The following CLEC1A variants were observed in gnomAD, a reference collection of about 807,000 sequenced individuals.
The protein encoded by CLEC1A is C-type lectin-like receptor-1.
A neutral mutation model predicts 28.7 loss-of-function variants in CLEC1A; 34 were observed. The ratio of observed to expected loss-of-function variants is 1.18; its 90% confidence interval spans 0.90 to 1.57. The LOEUF is 1.57. Among genes scored for constraint, CLEC1A ranks in the 40% most tolerant of loss-of-function variants. CLEC1A has a pLI of 0.00. For synonymous variants in CLEC1A, 116 were observed against 121.0 expected (o/e 0.96, Z 0.27); for missense variants, 385 against 339.5 (o/e 1.13, Z -1.05).
At chr12:10,094,311 C>T (rs959296905) in intron 1 of CLEC1A, among the ~76,000 whole-genome samples, 2 of 152,002 alleles carry the variant, frequency 1.3e-5, no homozygotes, top group African/African-American at 4.8e-5. Context: ...TCTCATTTTA[C>T]AGGTAGGGAA....
At chr12:10,074,430 G>C (rs917490139) in intron 4 of CLEC1A, among the ~76,000 whole-genome samples, 1 of 151,956 alleles carries the variant, frequency 6.6e-6, no homozygotes, top group African/African-American at 2.4e-5. Context: ...TAAAAATTTT[G>C]AAAGCAAATC....
In CLEC1A at chr12:10,087,204, CA is replaced by C. The variant is rs59407880; in HGVS notation, c.214+1919del. 5.4e-3 allele frequency among the ~76,000 whole-genome samples: 408 copies of C among 75,978 alleles called. 2 individuals are homozygous for C. Among genetic ancestry groups the C allele is most frequent in the African/African-American group, 0.021 (360 of 17,470 alleles). The allele number at this position is 75,978 out of a possible 152,430, so 49.8% of individuals were successfully genotyped here. On this transcript the variant is annotated intron_variant, in intron 2 of 5. Coordinates refer to ENST00000315330, the MANE Select transcript of CLEC1A (RefSeq NM_016511.4). ...TGGGCGACAGTGTAAGACTCCATCT[CA>C]AAAAAAAAAAAAAAAAAGACTAGCT...
At chr12:10,094,187 A>C (rs185766319) in intron 1 of CLEC1A, among the ~76,000 whole-genome samples, 1 of 152,248 alleles carries the variant, frequency 6.6e-6, no homozygotes, top group East Asian at 1.9e-4. Context: ...TAATTCAAAA[A>C]CAACATTACC....
intron 1 of CLEC1A, among the ~76,000 whole-genome samples, chr12:10,090,366 C>T (rs1307464923): frequency 6.6e-6 from 1 of 152,184 alleles, no homozygotes; most frequent in East Asian, 1.9e-4. Flanking sequence ...ATCCTCCCAC[C>T]TCAGCTCCTG....
At position 10,073,424 on chromosome 12, in the gene CLEC1A, C is replaced by G; in HGVS notation, c.544-13G>C. ...ACGCGGCAAATTCCTGTGAAAAGCA[C>G]ATAAGAAAAGCTTTAGCTTTGGTGG... On this transcript the variant is annotated splice_polypyrimidine_tract_variant and intron_variant, in intron 4 of 5. Transcript: ENST00000315330. 1 of 1,596,336 alleles carries G rather than the reference C, an allele frequency of 6.3e-7. No homozygotes were observed. The highest frequency in any genetic ancestry group is 1.7e-4 in the Middle Eastern group (1 of 6,022).
At chr12:10,081,904 C>T (rs570007917) in intron 2 of CLEC1A, among the ~76,000 whole-genome samples, 6 of 152,158 alleles carry the variant, frequency 3.9e-5, no homozygotes, top group Admixed American at 3.9e-4. Flanking sequence ...AGGATTTAAC[C>T]TCACCTGGAG....
intron 3 of CLEC1A, among the ~76,000 whole-genome samples, chr12:10,079,230 C>G (rs887234785): frequency 2.0e-5 from 3 of 152,148 alleles, no homozygotes; most frequent in African/African-American, 7.2e-5. Flanking sequence ...TCCAACCACA[C>G]TGGTAGCAGT....
At chr12:10,088,016 A>G (rs2137360621) in intron 2 of CLEC1A, among the ~76,000 whole-genome samples, 2 of 152,260 alleles carry the variant, frequency 1.3e-5, no homozygotes, top group South Asian at 4.1e-4. Flanking sequence ...TATGTTGATC[A>G]TTATATTGAG....
chr12:10,079,727 G>A (rs1340895429), intron 3 of CLEC1A, among the ~76,000 whole-genome samples: 6 of 151,780 alleles, frequency 4.0e-5, no homozygotes, highest in Non-Finnish European at 8.8e-5. Context: ...GAGGAGATAC[G>A]AGAATCACTT....
chr12:10,071,392 C>T lies in CLEC1A; in HGVS notation c.784G>A (p.Gly262Arg). The T allele has an allele frequency of 2.5e-6, 4 of 1,614,006 alleles. No individual in the cohort carries two copies. The highest frequency in any genetic ancestry group is 1.3e-5 in the African/African-American group (1 of 75,036). Reference sequence around the variant, plus strand: ...TGGAGGCTCTCTGGCTTCACCATTCCTGCCCTTCTCTCACAGACACAACGC... The same window carrying T: ...TGGAGGCTCTCTGGCTTCACCATTCTTGCCCTTCTCTCACAGACACAACGC... ...LKRCVCERRA[G>R]MVKPESLHVP... Residue 262 changes from glycine to arginine, a missense_variant, in exon 6 of 6, where the codon GGA (glycine) becomes AGA (arginine). Coordinates refer to ENST00000315330, the MANE Select transcript of CLEC1A (RefSeq NM_016511.4).
chr12:10,084,833 A>AAAAAAG (rs1555156284), intron 2 of CLEC1A, among the ~76,000 whole-genome samples: 2 of 150,206 alleles, frequency 1.3e-5, no homozygotes, highest in Non-Finnish European at 3.0e-5. Context: ...AAAAAAAAAA[A>AAAAAAG]AAAAAAAAAA....
chr12:10,076,585 A>C (rs557229747), intron 3 of CLEC1A, among the ~76,000 whole-genome samples: 53 of 152,334 alleles, frequency 3.5e-4, no homozygotes, highest in Non-Finnish European at 7.2e-4. Context: ...GGCTTGCTTC[A>C]GAATTCTACC....
At chr12:10,093,601 T>C (rs1947737380) in intron 1 of CLEC1A, among the ~76,000 whole-genome samples, 1 of 152,026 alleles carries the variant, frequency 6.6e-6, no homozygotes, top group Non-Finnish European at 1.5e-5. Context: ...TCTATTAGTA[T>C]ACCTATGAAA....
At chr12:10,076,894 C>T (rs943153816) in intron 3 of CLEC1A, among the ~76,000 whole-genome samples, 3 of 152,206 alleles carry the variant, frequency 2.0e-5, no homozygotes, top group African/African-American at 7.2e-5. Flanking sequence ...AATCTTGGTT[C>T]ATTCTGCTCT....
At chr12:10,077,109 G>A (rs1026226416) in intron 3 of CLEC1A, among the ~76,000 whole-genome samples, 1 of 152,120 alleles carries the variant, frequency 6.6e-6, no homozygotes, top group African/African-American at 2.4e-5. Flanking sequence ...GAGGAAGCAA[G>A]GGACAATTAG....
At position 10,090,823 on chromosome 12, in the gene CLEC1A, TA is replaced by T. The variant is rs11393834; in HGVS notation, c.116-1602del. ...ACTTTTCACAGATTGCTCCTTTTTT[TA>T]AAAAAAATGGCAATTTTATTATGCT... On this transcript the variant is annotated intron_variant, in intron 1 of 5. Coordinates refer to ENST00000315330, the MANE Select transcript of CLEC1A (RefSeq NM_016511.4). Among the ~76,000 whole-genome samples the T allele has an allele frequency of 2.6e-5, 4 of 151,794 alleles. No individual in the cohort carries two copies. In the East Asian group the frequency reaches 5.8e-4, roughly 22 times the overall value.
At chr12:10,097,979 T>TAGAAATAAAA (rs1490551050) in intron 1 of CLEC1A, among the ~76,000 whole-genome samples, 8 of 142,014 alleles carry the variant, frequency 5.6e-5, no homozygotes, top group East Asian at 4.0e-4. Context: ...TAGAAATAAA[T>TAGAAATAAAA]AGAAAGTGAA....
At chr12:10,077,430 A>C (rs890414888) in intron 3 of CLEC1A, among the ~76,000 whole-genome samples, 6 of 152,114 alleles carry the variant, frequency 3.9e-5, no homozygotes, top group African/African-American at 9.7e-5. Flanking sequence ...TGCTCCCCCC[A>C]AAAATATATA....
At chr12:10,075,766 T>C (rs1385389459) in intron 3 of CLEC1A, 111 bp from the exon 4 acceptor site, 2 of 888,962 alleles carry the variant, frequency 2.2e-6, no homozygotes, top group Non-Finnish European at 3.4e-6. Flanking sequence ...TTCCTCAATA[T>C]TTAATTAATT....
Sources: allele counts gnomAD v4.1 joint callset (sites outside exome capture counted in the v4.1 genomes callset), GRCh38; gene constraint gnomAD v4.1.1; transcripts MANE v1.5; gene names NCBI Gene and HGNC (gene_info 2026-07-23, HGNC 2026-07-21).